Variants in AKR1C8 observed in about 807,000 individuals in gnomAD.
AKR1C8 encodes the protein aldo-keto reductase family 1 member C8, also known as aldo-keto reductase family 1 member C-like protein 1.
the AKR1C8 span, among the ~76,000 whole-genome samples, chr10:5,144,376 T>G: frequency 2.0e-5 from 3 of 152,168 alleles, no homozygotes; most frequent in African/African-American, 7.2e-5. Context: ...TGGTTCCATA[T>G]GAACTTTAAA....
the AKR1C8 span, among the ~76,000 whole-genome samples, chr10:5,179,687 T>C: frequency 1.3e-5 from 2 of 150,432 alleles, no homozygotes; most frequent in Admixed American, 6.6e-5. Flanking sequence ...TTATTCTTTT[T>C]TCTCTAAACT....
the AKR1C8 span, among the ~76,000 whole-genome samples, chr10:5,130,328 A>G: frequency 6.6e-6 from 1 of 152,052 alleles, no homozygotes; most frequent in African/African-American, 2.4e-5. Flanking sequence ...TGAATGGAGA[A>G]AAGTTTAAAA....
At chr10:5,131,576 A>G in the AKR1C8 span, among the ~76,000 whole-genome samples, 2 of 152,174 alleles carry the variant, frequency 1.3e-5, no homozygotes, top group Non-Finnish European at 2.9e-5. Context: ...AAACATATGA[A>G]AAAAGGTTCA....
the AKR1C8 span, among the ~76,000 whole-genome samples, chr10:5,179,149 C>T: frequency 2.0e-5 from 3 of 152,130 alleles, no homozygotes; most frequent in South Asian, 2.1e-4. Context: ...GTGCTTCCTT[C>T]AGGAGCTCTT....
chr10:5,175,821 G>T, the AKR1C8 span, among the ~76,000 whole-genome samples: 3 of 151,216 alleles, frequency 2.0e-5, no homozygotes, highest in South Asian at 2.1e-4. Flanking sequence ...TTTTGATGGG[G>T]TTGTTTGTTT....
At chr10:5,161,021 G>A in the AKR1C8 span, 1 of 397,282 alleles carries the variant, frequency 2.5e-6, no homozygotes, top group African/African-American at 2.1e-5. Flanking sequence ...GCACATATTT[G>A]TGCCTACATT....
chr10:5,175,211 T>C, the AKR1C8 span, among the ~76,000 whole-genome samples: 1 of 147,836 alleles, frequency 6.8e-6, no homozygotes, highest in Non-Finnish European at 1.5e-5. Context: ...CACCTATGAC[T>C]GAGAATGTGC....
chr10:5,149,205 G>A, the AKR1C8 span, among the ~76,000 whole-genome samples: 3 of 152,090 alleles, frequency 2.0e-5, no homozygotes, highest in Admixed American at 6.6e-5. Flanking sequence ...TAAAAACTGA[G>A]AAGCAATGGA....
At chr10:5,173,608 C>A in the AKR1C8 span, among the ~76,000 whole-genome samples, 122 of 151,266 alleles carry the variant, frequency 8.1e-4, 1 homozygote, top group Non-Finnish European at 2.8e-4. Flanking sequence ...AGAAAAACTC[C>A]CCTAGAAAAC....
the AKR1C8 span, among the ~76,000 whole-genome samples, chr10:5,178,739 C>A: frequency 1.1e-4 from 16 of 151,624 alleles, no homozygotes; most frequent in East Asian, 2.5e-3. Context: ...ATGTAATGGC[C>A]TCATCTCTTT....
At chr10:5,140,211 A>T in the AKR1C8 span, among the ~76,000 whole-genome samples, 3 of 152,216 alleles carry the variant, frequency 2.0e-5, no homozygotes, top group East Asian at 3.9e-4. Flanking sequence ...AGTGTAAACT[A>T]GTTCAACCAC....
At chr10:5,120,648 T>C in the AKR1C8 span, among the ~76,000 whole-genome samples, 1 of 152,162 alleles carries the variant, frequency 6.6e-6, no homozygotes, top group Non-Finnish European at 1.5e-5. Context: ...CACAGATTTC[T>C]ACTTAAAGCC....
the AKR1C8 span, chr10:5,158,844 A>G: frequency 2.6e-6 from 1 of 381,078 alleles, no homozygotes; most frequent in Non-Finnish European, 5.2e-6. Flanking sequence ...CCTTTTCCCC[A>G]TGCACCTTCT....
the AKR1C8 span, among the ~76,000 whole-genome samples, chr10:5,172,619 G>T: frequency 6.6e-6 from 1 of 152,174 alleles, no homozygotes; most frequent in East Asian, 1.9e-4. Context: ...ACACCTTATA[G>T]TATTTGGCAG....
chr10:5,163,656 A>G, the AKR1C8 span, among the ~76,000 whole-genome samples: 1 of 152,328 alleles, frequency 6.6e-6, no homozygotes, highest in South Asian at 2.1e-4. Context: ...GGTTCTTGGT[A>G]AAACTCCTTT....
At chr10:5,167,555 G>A in the AKR1C8 span, among the ~76,000 whole-genome samples, 30 of 152,250 alleles carry the variant, frequency 2.0e-4, no homozygotes, top group Admixed American at 3.3e-4. Context: ...AACACCGCAT[G>A]TTCTCACTCA....
At chr10:5,158,758 C>T in the AKR1C8 span, 5 of 466,994 alleles carry the variant, frequency 1.1e-5, no homozygotes, top group African/African-American at 1.0e-4. Flanking sequence ...AGCCAATAAC[C>T]ACATGCAAAT....
chr10:5,143,401 C>A, the AKR1C8 span, among the ~76,000 whole-genome samples: 2 of 152,104 alleles, frequency 1.3e-5, no homozygotes, highest in Non-Finnish European at 2.9e-5. Context: ...ACCAGTGGCC[C>A]TCAGCTTCTC....
At chr10:5,177,981 C>T in the AKR1C8 span, among the ~76,000 whole-genome samples, 1 of 152,186 alleles carries the variant, frequency 6.6e-6, no homozygotes, top group African/African-American at 2.4e-5. Context: ...CTATTTCCTT[C>T]AGTTCTGCTC....
Sources: allele counts gnomAD v4.1 joint callset (sites outside exome capture counted in the v4.1 genomes callset), GRCh38; gene constraint gnomAD v4.1.1; transcripts MANE v1.5; gene names NCBI Gene and HGNC (gene_info 2026-07-23, HGNC 2026-07-21).